The following DDX60L variants were observed in gnomAD, a reference collection of about 807,000 sequenced individuals.
DDX60L encodes DExD/H-box 60 like.
DDX60L carries 191 observed loss-of-function variants against 211.6 expected under a neutral mutation model. The ratio of observed to expected loss-of-function variants is 0.90; its 90% CI spans 0.80 to 1.02. The LOEUF is 1.02. Among genes scored for constraint, DDX60L ranks in the 50% least tolerant of loss-of-function variants. DDX60L has a pLI of 0.00. For synonymous variants in DDX60L, 706 were observed against 694.1 expected (o/e 1.02, Z -0.27); for missense variants, 2,007 against 1,984.1 (o/e 1.01, Z -0.22).
intron 13 of DDX60L, 83 bp from the exon 14 acceptor site, chr4:168,427,405 C>T: frequency 6.9e-7 from 1 of 1,446,574 alleles, no homozygotes; most frequent in Non-Finnish European, 9.4e-7. Flanking sequence ...TTTTTGTGCA[C>T]TTACTGAGGA....
chr4:168,358,879 A>G (rs1738626357), intron 37 of DDX60L, among the ~76,000 whole-genome samples: 1 of 152,064 alleles, frequency 6.6e-6, no homozygotes, highest in African/African-American at 2.4e-5. Context: ...ACAGAATTCC[A>G]TATTCTTAGA....
intron 37 of DDX60L, 22 bp from the exon 38 acceptor site, chr4:168,358,298 TAAA>T (rs771660670): frequency 2.8e-6 from 4 of 1,436,962 alleles, no homozygotes; most frequent in Non-Finnish European, 3.7e-6. Flanking sequence ...ATAATAATAA[TAAA>T]AAAATAATGA....
chr4:168,446,148 A>T (rs1478798607), intron 9 of DDX60L, among the ~76,000 whole-genome samples: 1 of 151,308 alleles, frequency 6.6e-6, no homozygotes, highest in Non-Finnish European at 1.5e-5. Flanking sequence ...CTCAGCCCAA[A>T]ATCTCCTTAA....
intron 1 of DDX60L, among the ~76,000 whole-genome samples, chr4:168,476,320 T>A (rs1661716970): frequency 6.6e-6 from 1 of 152,168 alleles, no homozygotes; most frequent in Non-Finnish European, 1.5e-5. Flanking sequence ...GAGGAATTTA[T>A]ATTTTCCTCA....
chr4:168,472,864 C>T, intron 1 of DDX60L, 55 bp from the exon 2 acceptor site: 1 of 689,048 alleles, frequency 1.5e-6, no homozygotes, highest in Non-Finnish European at 2.4e-6. Context: ...AGAAATGGAC[C>T]CAAAAAATAT....
At chr4:168,412,925 G>T (rs781225407) in intron 22 of DDX60L, among the ~76,000 whole-genome samples, 33 of 152,318 alleles carry the variant, frequency 2.2e-4, no homozygotes, top group Non-Finnish European at 4.3e-4. Flanking sequence ...AATCACCAAA[G>T]TGGTTCCTCT....
rs199636956 is a variant in DDX60L at position 168,480,001 on chromosome 4, A to AAAAAG, written c.-111+375_-111+376insCTTTT. On this transcript the variant is annotated intron_variant, in intron 1 of 37. Transcript: ENST00000682922. ...TGACTCAAAAAAAAAAAAAAAAAAA[A>AAAAAG]AGCTTAAATACAAGACGGAAAAAAG... Among the ~76,000 whole-genome samples the AAAAAG allele has an allele frequency of 2.2e-4, 31 of 140,448 alleles. 1 individual carries two copies. The highest frequency in any genetic ancestry group is 3.7e-4 in the Non-Finnish European group (24 of 65,166). 92.1% of individuals were successfully genotyped at this position (140,448 alleles called of 152,430 possible).
At chr4:168,360,878 T>A (rs1223162167) in intron 37 of DDX60L, among the ~76,000 whole-genome samples, 1 of 152,242 alleles carries the variant, frequency 6.6e-6, no homozygotes, top group Non-Finnish European at 1.5e-5. Context: ...TATGAAGTCA[T>A]GAGGAAGAGC....
At chr4:168,462,698 A>C (rs1561126032) in intron 4 of DDX60L, among the ~76,000 whole-genome samples, 1 of 152,188 alleles carries the variant, frequency 6.6e-6, no homozygotes, top group Non-Finnish European at 1.5e-5. Flanking sequence ...CTGCAAGCCC[A>C]GCTACTTGGG....
In DDX60L at chr4:168,396,079, T is replaced by C; in HGVS notation, c.3537A>G (p.Lys1179=). Residue 1179 remains lysine (K), a synonymous_variant, in exon 27 of 38, where the codon AAA becomes AAG. Coordinates refer to ENST00000682922, the MANE Select transcript of DDX60L (RefSeq NM_001012967.3). The part of the protein sequence containing the change: ...PKKAEKLERK[K]VYRAEYINFL... The stretch of plus-strand genomic sequence containing the variant: ...AATTAATATATTCAGCTCTATACAC[T>C]TTTTTTCTTTCCAGTTTTTCAGCCT... 6 of 1,571,696 alleles carry C rather than the reference T, an allele frequency of 3.8e-6. No individual in the cohort carries two copies. Among genetic ancestry groups the C allele is most frequent in the Non-Finnish European group, 5.2e-6 (6 of 1,160,312 alleles).
chr4:168,464,825 G>A (rs568357630), intron 4 of DDX60L, among the ~76,000 whole-genome samples: 14 of 152,000 alleles, frequency 9.2e-5, no homozygotes, highest in South Asian at 4.1e-4. Flanking sequence ...ACAAATGACC[G>A]AATTTTGTTT....
At chr4:168,409,872 G>T (rs1381599929) in intron 22 of DDX60L, among the ~76,000 whole-genome samples, 1 of 152,088 alleles carries the variant, frequency 6.6e-6, no homozygotes, top group Non-Finnish European at 1.5e-5. Context: ...AACCTCACTA[G>T]CCCTCTTTTT....
At chr4:168,436,482 C>A (rs1233727264) in intron 10 of DDX60L, among the ~76,000 whole-genome samples, 2 of 152,204 alleles carry the variant, frequency 1.3e-5, no homozygotes, top group African/African-American at 4.8e-5. Context: ...TATTCTCCAT[C>A]ATCCTGAAGC....
chr4:168,478,512 T>TA (rs1384266295), intron 1 of DDX60L, among the ~76,000 whole-genome samples: 1 of 152,024 alleles, frequency 6.6e-6, no homozygotes, highest in Non-Finnish European at 1.5e-5. Flanking sequence ...CAGCAGGTTA[T>TA]AAAAAAGGGT....
intron 9 of DDX60L, 57 bp downstream of exon 9, chr4:168,448,581 A>T (rs941863927): frequency 7.4e-7 from 1 of 1,346,154 alleles, no homozygotes; most frequent in African/African-American, 1.5e-5. Context: ...TGGAAAATTT[A>T]TAAGGGTTTT....
chr4:168,464,341 TA>T (rs1420642171), intron 4 of DDX60L, among the ~76,000 whole-genome samples: 1 of 152,074 alleles, frequency 6.6e-6, no homozygotes, highest in African/African-American at 2.4e-5. Context: ...ACAATGGAAT[TA>T]AATTAGAAAT....
At chr4:168,473,749 T>C (rs1469912197) in intron 1 of DDX60L, among the ~76,000 whole-genome samples, 1 of 152,164 alleles carries the variant, frequency 6.6e-6, no homozygotes, top group Non-Finnish European at 1.5e-5. Context: ...ACCCCCAAAA[T>C]AAGTTTCTGG....
intron 24 of DDX60L, among the ~76,000 whole-genome samples, chr4:168,405,612 T>C (rs1747616216): frequency 6.6e-6 from 1 of 152,338 alleles, no homozygotes; most frequent in African/African-American, 2.4e-5. Flanking sequence ...TGATCTCCAC[T>C]ATCATTCCTC....
intron 18 of DDX60L, 21 bp from the exon 19 acceptor site, chr4:168,419,418 T>C: frequency 1.3e-6 from 2 of 1,529,516 alleles, no homozygotes; most frequent in Admixed American, 1.9e-5. Context: ...GAATGATTAG[T>C]GTAGCTAACT....
Sources: allele counts gnomAD v4.1 joint callset (sites outside exome capture counted in the v4.1 genomes callset), GRCh38; gene constraint gnomAD v4.1.1; transcripts MANE v1.5; gene names NCBI Gene and HGNC (gene_info 2026-07-23, HGNC 2026-07-21).